USP54: variants seen among roughly 807,000 people sequenced by gnomAD.
USP54 encodes the protein ubiquitin specific peptidase 54, also known as ubiquitin carboxyl-terminal hydrolase 54.
A neutral mutation model predicts 170.5 loss-of-function variants in USP54; 87 were observed. The ratio of observed to expected loss-of-function variants is 0.51; its 90% CI spans 0.43 to 0.61. The LOEUF (loss-of-function observed/expected upper bound fraction) is 0.61. Ranked by LOEUF, USP54 falls within the 20% of genes least tolerant of loss-of-function variation. USP54 has a pLI of 0.00. For synonymous variants in USP54, 655 were observed against 742.8 expected (o/e 0.88, Z 1.92); for missense variants, 1,786 against 2,047.8 (o/e 0.87, Z 2.47).
intron 20 of USP54, among the ~76,000 whole-genome samples, chr10:73,515,312 A>G (rs986185748): frequency 1.1e-4 from 16 of 152,210 alleles, no homozygotes; most frequent in Non-Finnish European, 2.2e-4. Flanking sequence ...CTCATTTTAC[A>G]GGTAAAACCT....
intron 5 of USP54, among the ~76,000 whole-genome samples, chr10:73,544,304 GTTTCTT>G (rs1428279784): frequency 1.3e-5 from 2 of 152,110 alleles, no homozygotes; most frequent in South Asian, 4.1e-4. Context: ...TAAATCAATA[GTTTCTT>G]TTTATTTTTA....
intron 20 of USP54, chr10:73,507,260 G>A (rs886706040): frequency 7.3e-5 from 11 of 151,604 alleles, no homozygotes; most frequent in African/African-American, 2.7e-4. Context: ...CAGGAAAATT[G>A]TCTATAATAA....
Position 73,504,878 on chromosome 10 carries a change from T to C in USP54, c.4283A>G (p.Glu1428Gly). 1 of 1,614,088 alleles carries C rather than the reference T, an allele frequency of 6.2e-7. No individual in the cohort carries two copies. The highest frequency in any genetic ancestry group is 8.5e-7 in the Non-Finnish European group (1 of 1,180,022). The change falls in exon 22 of 24, where the codon GAG becomes GGG. Residue 1428 changes from glutamate (E) to glycine (G), a missense_variant. Around this residue, in one of 3 missense-constraint regions of USP54, gnomAD observed 1,418 missense variants for 1,569.0 expected, o/e 0.90. Coordinates refer to ENST00000687698, the MANE Select transcript of USP54 (RefSeq NM_001391956.1). ...ACTGTGGGAAGAAACCGGAGCTTCC[T>C]CCCTCTCTGAGACAACGGTGCCACT... ...SLSGTVVSER[E>G]EAPVSSHSFD... is the part of the protein sequence containing the mutation.
chr10:73,527,358 T>C (rs2063072424), intron 15 of USP54, among the ~76,000 whole-genome samples: 1 of 151,086 alleles, frequency 6.6e-6, no homozygotes, highest in Non-Finnish European at 1.5e-5. Context: ...ATTAGCTGGG[T>C]GTGGTGGTGG....
intron 20 of USP54, among the ~76,000 whole-genome samples, chr10:73,512,512 CTTTTTT>C (rs944514748): frequency 6.8e-6 from 1 of 146,888 alleles, no homozygotes; most frequent in Non-Finnish European, 1.5e-5. Flanking sequence ...TTTGATTTTA[CTTTTTT>C]TTTTTAAGAG....
chr10:73,536,682 T>C (rs2065273987), intron 10 of USP54, among the ~76,000 whole-genome samples: 1 of 152,224 alleles, frequency 6.6e-6, no homozygotes, highest in Non-Finnish European at 1.5e-5. Context: ...AAATTAATTT[T>C]ATTTCTGTGA....
At chr10:73,541,256 G>A (rs1564759001) in intron 9 of USP54, 119 bp downstream of exon 9, 2 of 1,432,532 alleles carry the variant, frequency 1.4e-6, no homozygotes, top group Non-Finnish European at 9.4e-7. Context: ...AAGTTTATCT[G>A]TCCAAAACAT....
At chr10:73,610,964 A>G (rs1362428716) in intron 1 of USP54, among the ~76,000 whole-genome samples, 1 of 152,222 alleles carries the variant, frequency 6.6e-6, no homozygotes, top group Non-Finnish European at 1.5e-5. Context: ...GCAACAAGCT[A>G]TGTAATGAAT....
intron 9 of USP54, 46 bp downstream of exon 9, chr10:73,541,329 A>T: frequency 6.2e-7 from 1 of 1,611,464 alleles, no homozygotes; most frequent in African/African-American, 1.3e-5. Context: ...AAGCAATACT[A>T]AGACGCAAGA....
At chr10:73,557,143 C>G (rs1285282213) in intron 4 of USP54, among the ~76,000 whole-genome samples, 1 of 152,046 alleles carries the variant, frequency 6.6e-6, no homozygotes, top group Non-Finnish European at 1.5e-5. Flanking sequence ...AAGCCAACAC[C>G]AAAGTCAAGT....
intron 16 of USP54, among the ~76,000 whole-genome samples, chr10:73,523,983 C>T (rs2133344789): frequency 6.6e-6 from 1 of 150,720 alleles, no homozygotes; most frequent in African/African-American, 2.4e-5. Context: ...TCTTGGCTCA[C>T]TGCAACCTCC....
At chr10:73,583,335 G>C (rs2077101908) in intron 1 of USP54, among the ~76,000 whole-genome samples, 1 of 152,168 alleles carries the variant, frequency 6.6e-6, no homozygotes. Flanking sequence ...ACCCAGGCTG[G>C]AGTAAAATGG....
At position 73,579,260 on chromosome 10, in the gene USP54, T is replaced by C. The variant is rs539438825; in HGVS notation, c.-581-2899A>G. Among the ~76,000 whole-genome samples, 3 of 152,120 alleles carry C rather than the reference T, an allele frequency of 2.0e-5. No homozygotes were observed. In the South Asian group the frequency reaches 6.2e-4, roughly 32 times the overall value. ...GCCACTGCACCCGGACAAAGATTCC[T>C]TAGATACAACAAAAGCATAATGTAT... On this transcript the variant is annotated intron_variant, in intron 1 of 23. Coordinates refer to ENST00000687698, the MANE Select transcript of USP54 (RefSeq NM_001391956.1).
In USP54 at chr10:73,527,424, G is replaced by T. The variant is rs1431653666; in HGVS notation, c.2061-644C>A. The stretch of plus-strand genomic sequence containing the variant: ...GAGGCAGGAGAATCGCTTGAACCCA[G>T]GAGGCAGAGGTTGCAGTGAGCCGAG... On this transcript the variant is annotated intron_variant, in intron 15 of 23. Transcript: ENST00000687698. Among the ~76,000 whole-genome samples the T allele has an allele frequency of 2.0e-5, 3 of 151,292 alleles. No homozygotes were observed. In the East Asian group the frequency reaches 5.8e-4, roughly 29 times the overall value.
rs532211032 is a variant in USP54, at chr10:73,532,111, C to T, written c.1316-1276G>A. On this transcript the variant is annotated intron_variant, in intron 12 of 23. Transcript: ENST00000687698. ...GAATCTTGTATTGCTTTTATTTGGT[C>T]GTTTGCTACCTCTGTGCCCACAAGA... is the stretch of plus-strand genomic sequence containing the variant. Among the ~76,000 whole-genome samples, 29 of 152,086 alleles carry T rather than the reference C, an allele frequency of 1.9e-4. 1 individual carries two copies. The highest frequency in any genetic ancestry group is 1.6e-3 in the Admixed American group (24 of 15,282).
chr10:73,603,528 A>G (rs1341191911), intron 1 of USP54, among the ~76,000 whole-genome samples: 1 of 152,158 alleles, frequency 6.6e-6, no homozygotes, highest in Non-Finnish European at 1.5e-5. Flanking sequence ...CAGCTTGGCC[A>G]ACATGGCGAA....
intron 5 of USP54, among the ~76,000 whole-genome samples, chr10:73,544,145 G>A (rs560642427): frequency 5.3e-5 from 8 of 152,010 alleles, no homozygotes; most frequent in Non-Finnish European, 1.0e-4. Flanking sequence ...GTTTCACCAC[G>A]TTGACCAGGC....
At chr10:73,554,122 T>G (rs1453579725) in intron 4 of USP54, among the ~76,000 whole-genome samples, 6 of 152,346 alleles carry the variant, frequency 3.9e-5, no homozygotes, top group South Asian at 2.1e-4. Context: ...TCTCTCAGGA[T>G]TTCCCAGTCT....
intron 1 of USP54, among the ~76,000 whole-genome samples, chr10:73,607,465 TAA>T (rs1328987068): frequency 6.6e-6 from 1 of 152,122 alleles, no homozygotes; most frequent in African/African-American, 2.4e-5. Context: ...AAGTCTGCAT[TAA>T]GTTATTAAGA....
Sources: allele counts gnomAD v4.1 joint callset (sites outside exome capture counted in the v4.1 genomes callset), GRCh38; gene constraint gnomAD v4.1.1; regional missense constraint gnomAD v4.1.1; transcripts MANE v1.5; gene names NCBI Gene and HGNC (gene_info 2026-07-23, HGNC 2026-07-21).